The following CPEB3 variants were observed in gnomAD, a reference collection of about 807,000 sequenced individuals.
The protein encoded by CPEB3 is cytoplasmic polyadenylation element binding protein 3.
In CPEB3, 20 loss-of-function variants were observed where a neutral mutation model predicts 67.2. That is an observed-to-expected ratio of 0.30 (90% CI 0.21 to 0.43). CPEB3 has a LOEUF of 0.43. Among genes scored for constraint, CPEB3 ranks in the 20% least tolerant of loss-of-function variants. The pLI is 1.00. For synonymous variants in CPEB3, 376 were observed against 393.1 expected (o/e 0.96, Z 0.51); for missense variants, 746 against 968.6 (o/e 0.77, Z 3.05).
intron 2 of CPEB3, among the ~76,000 whole-genome samples, chr10:92,221,048 T>G (rs1271091909): frequency 1.3e-5 from 2 of 152,200 alleles, no homozygotes; most frequent in Non-Finnish European, 2.9e-5. Context: ...GGAACAGACC[T>G]TAGGTCATAA....
intron 9 of CPEB3, among the ~76,000 whole-genome samples, chr10:92,073,469 C>T (rs761683391): frequency 5.3e-5 from 8 of 151,964 alleles, no homozygotes; most frequent in Non-Finnish European, 1.0e-4. Context: ...GCCTGGCCAA[C>T]GTGGCAAAAC....
intron 4 of CPEB3, among the ~76,000 whole-genome samples, chr10:92,176,414 A>G (rs1193290035): frequency 6.6e-6 from 1 of 152,224 alleles, no homozygotes; most frequent in African/African-American, 2.4e-5. Flanking sequence ...TCAAGGCCAT[A>G]TAGCTTGTAA....
At position 92,105,974 on chromosome 10, in the gene CPEB3, C is replaced by A. The variant is rs146065250; in HGVS notation, c.1572+5102G>T. Among the ~76,000 whole-genome samples the A allele has an allele frequency of 6.8e-3, 1,037 of 152,242 alleles. 9 individuals are homozygous for A. Among genetic ancestry groups the A allele is most frequent in the African/African-American group, 0.024 (1,000 of 41,546 alleles). On this transcript the variant is annotated intron_variant, in intron 7 of 9. Coordinates refer to ENST00000265997, the MANE Select transcript of CPEB3 (RefSeq NM_014912.5). ...ATGGCGCAATGTCGGCTCACTGCAA[C>A]CTCTGCCTCCTGGGTTCAAGCGATT...
At chr10:92,101,375 C>T (rs558981488) in intron 7 of CPEB3, among the ~76,000 whole-genome samples, 1 of 152,192 alleles carries the variant, frequency 6.6e-6, no homozygotes, top group South Asian at 2.1e-4. Flanking sequence ...TTTTAGTCTA[C>T]ATAAATTGGA....
chr10:92,252,705 G>A (rs1464686976), intron 1 of CPEB3, among the ~76,000 whole-genome samples: 1 of 151,902 alleles, frequency 6.6e-6, no homozygotes, highest in Non-Finnish European at 1.5e-5. Context: ...TTTTTGTAGA[G>A]ATGAGGGTTT....
rs1327108769 is a variant in CPEB3, at chr10:92,047,520, C to T, written c.*4692G>A. 2 of 152,184 alleles carry T rather than the reference C, an allele frequency of 1.3e-5. No homozygotes were observed. Among genetic ancestry groups the T allele is most frequent in the Non-Finnish European group, 2.9e-5 (2 of 68,016 alleles). 9.4% of individuals were successfully genotyped at this position (152,184 alleles called of 1,614,324 possible). On this transcript the variant is annotated 3_prime_UTR_variant, in exon 10 of 10. Coordinates refer to ENST00000265997, the MANE Select transcript of CPEB3 (RefSeq NM_014912.5). ...CAGTTATTTGCTAATTGCATAAATGCAGTACATTCTGCATTAGCCCATGCC... is the reference window on the plus strand; with the variant it reads ...CAGTTATTTGCTAATTGCATAAATGTAGTACATTCTGCATTAGCCCATGCC...
chr10:92,067,670 T>C (rs1842608185), intron 9 of CPEB3, among the ~76,000 whole-genome samples: 1 of 150,906 alleles, frequency 6.6e-6, no homozygotes, highest in Admixed American at 6.6e-5. Flanking sequence ...AATACAAAAT[T>C]AGCTGGGCGT....
At chr10:92,094,354 G>C (rs1843756250) in intron 7 of CPEB3, among the ~76,000 whole-genome samples, 1 of 151,324 alleles carries the variant, frequency 6.6e-6, no homozygotes, top group African/African-American at 2.4e-5. Flanking sequence ...TATAATCCCA[G>C]CACTTTGGGA....
chr10:92,049,446 C>G lies in CPEB3; in HGVS notation c.*2766G>C, dbSNP rs894286744. ...TGAAGGACCCTCTCTTTTAATATAA[C>G]ATTAACAACTTGGGGGCACATTTAT... On this transcript the variant is annotated 3_prime_UTR_variant, in exon 10 of 10. Transcript: ENST00000265997. 1.3e-5 allele frequency: 2 copies of G among 152,408 alleles called. No homozygotes were observed. The highest frequency in any genetic ancestry group is 2.9e-5 in the Non-Finnish European group (2 of 68,010). 9.4% of individuals were successfully genotyped at this position (152,408 alleles called of 1,614,324 possible). A position where few individuals can be genotyped will look rare whatever the true frequency, so the allele number is the denominator to read the frequency against.
At chr10:92,143,912 T>C (rs1590232298) in intron 5 of CPEB3, among the ~76,000 whole-genome samples, 1 of 152,334 alleles carries the variant, frequency 6.6e-6, no homozygotes, top group East Asian at 1.9e-4. Context: ...TTGAGACTTT[T>C]CTCCTGTCAC....
intron 1 of CPEB3, among the ~76,000 whole-genome samples, chr10:92,265,056 GGAGGCT>G (rs766017248): frequency 6.6e-6 from 1 of 151,856 alleles, no homozygotes; most frequent in Non-Finnish European, 1.5e-5. Context: ...CAGCTTCTTG[GGAGGCT>G]GAGGCAGGAG....
chr10:92,085,361 T>G (rs1335447072), intron 8 of CPEB3, among the ~76,000 whole-genome samples: 1 of 152,188 alleles, frequency 6.6e-6, no homozygotes, highest in Non-Finnish European at 1.5e-5. Context: ...TGCTCTGTGA[T>G]CCTAAGACAA....
intron 2 of CPEB3, among the ~76,000 whole-genome samples, chr10:92,205,174 G>A (rs1029654118): frequency 2.0e-5 from 3 of 152,122 alleles, no homozygotes; most frequent in Admixed American, 6.6e-5. Flanking sequence ...ACAGGCTTAC[G>A]CCCAAACTGC....
At chr10:92,190,206 A>G (rs1037575454) in intron 3 of CPEB3, among the ~76,000 whole-genome samples, 4 of 152,052 alleles carry the variant, frequency 2.6e-5, no homozygotes, top group African/African-American at 7.2e-5. Flanking sequence ...TGAATCTGGG[A>G]GGCAGAGGTT....
Position 92,052,362 on chromosome 10 carries a change from G to C in CPEB3, c.1947C>G (p.Ala649=). The change falls in exon 10 of 10, where the codon GCC becomes GCG. Residue 649 remains alanine, a synonymous_variant. Coordinates refer to ENST00000265997, the MANE Select transcript of CPEB3 (RefSeq NM_014912.5). The part of the protein sequence containing the change: ...CQGTRCGGKF[A]PFFCANVTCL... Reference sequence around the variant, plus strand: ...AGGTGACGTTGGCACAGAAGAACGGGGCAAACTTCCCACCACAGCGTGTGC... The same window carrying C: ...AGGTGACGTTGGCACAGAAGAACGGCGCAAACTTCCCACCACAGCGTGTGC... 5 of 1,614,204 alleles carry C rather than the reference G, an allele frequency of 3.1e-6. No individual in the cohort carries two copies. Among genetic ancestry groups the C allele is most frequent in the Non-Finnish European group, 4.2e-6 (5 of 1,180,038 alleles).
intron 4 of CPEB3, among the ~76,000 whole-genome samples, chr10:92,145,419 A>G (rs1160204233): frequency 6.6e-6 from 1 of 152,162 alleles, no homozygotes; most frequent in African/African-American, 2.4e-5. Flanking sequence ...ACCTGAGGTC[A>G]GGAGTTCGAG....
intron 1 of CPEB3, among the ~76,000 whole-genome samples, chr10:92,266,892 G>A (rs1440261754): frequency 6.6e-6 from 1 of 152,076 alleles, no homozygotes; most frequent in African/African-American, 2.4e-5. Flanking sequence ...AAATTAGCCG[G>A]GCGTGGTGGC....
chr10:92,249,241 T>C (rs1414107361), intron 1 of CPEB3, among the ~76,000 whole-genome samples: 1 of 152,088 alleles, frequency 6.6e-6, no homozygotes, highest in Non-Finnish European at 1.5e-5. Context: ...TAGCAGGGCA[T>C]GGTGGCACGT....
intron 2 of CPEB3, among the ~76,000 whole-genome samples, chr10:92,218,128 G>A (rs1226898983): frequency 6.6e-6 from 1 of 151,976 alleles, no homozygotes; most frequent in Non-Finnish European, 1.5e-5. Flanking sequence ...CAACAACAAG[G>A]CCGGGCACAG....
Sources: allele counts gnomAD v4.1 joint callset (sites outside exome capture counted in the v4.1 genomes callset), GRCh38; gene constraint gnomAD v4.1.1; transcripts MANE v1.5; gene names NCBI Gene and HGNC (gene_info 2026-07-23, HGNC 2026-07-21).